KLF12: variants seen among roughly 807,000 people sequenced by gnomAD.
KLF12 encodes Krueppel-like factor 12.
Under a neutral mutation model 37.8 loss-of-function variants are expected in KLF12, and 9 were observed. The ratio of observed to expected loss-of-function variants is 0.24; its 90% CI spans 0.14 to 0.42. The LOEUF (loss-of-function observed/expected upper bound fraction) is 0.42. Among genes scored for constraint, KLF12 ranks in the 10% least tolerant of loss-of-function variants. The pLI is 1.00. For missense variants in KLF12, 411 were observed against 516.0 expected, an observed-to-expected ratio of 0.80 and a Z score of 1.97; for synonymous variants, 208 against 202.1, an observed-to-expected ratio of 1.03 and a Z score of -0.25.
At chr13:73,740,771 T>A (rs1877912237) in intron 6 of KLF12, among the ~76,000 whole-genome samples, 1 of 152,128 alleles carries the variant, frequency 6.6e-6, no homozygotes, top group East Asian at 1.9e-4. Context: ...CCTCTAGGAG[T>A]CCTGCGGGGA....
chr13:74,220,137 T>G, the KLF12 span, among the ~76,000 whole-genome samples: 1 of 152,190 alleles, frequency 6.6e-6, no homozygotes, highest in Non-Finnish European at 1.5e-5. Context: ...GTAATCTCTT[T>G]TAGTGAAACT....
At chr13:74,253,167 G>C in the KLF12 span, among the ~76,000 whole-genome samples, 1 of 152,102 alleles carries the variant, frequency 6.6e-6, no homozygotes, top group Non-Finnish European at 1.5e-5. Flanking sequence ...ATAAGATAAA[G>C]TTTTGATTAG....
the KLF12 span, among the ~76,000 whole-genome samples, chr13:74,255,522 G>A: frequency 1.3e-5 from 2 of 152,170 alleles, no homozygotes; most frequent in Non-Finnish European, 2.9e-5. Flanking sequence ...ATTGCATGAT[G>A]TAATGAGACC....
intron 4 of KLF12, among the ~76,000 whole-genome samples, chr13:73,836,458 T>C (rs1884439385): frequency 6.6e-6 from 1 of 152,312 alleles, no homozygotes; most frequent in East Asian, 1.9e-4. Context: ...CTCTTGAATC[T>C]CATATTCTTC....
intron 1 of KLF12, among the ~76,000 whole-genome samples, chr13:74,038,016 C>T (rs943856929): frequency 2.0e-5 from 3 of 152,160 alleles, no homozygotes; most frequent in African/African-American, 7.2e-5. Flanking sequence ...TATCTTGATT[C>T]TGGTGGTAGC....
intron 3 of KLF12, among the ~76,000 whole-genome samples, chr13:73,903,836 G>C (rs1395141443): frequency 6.6e-6 from 1 of 152,202 alleles, no homozygotes; most frequent in African/African-American, 2.4e-5. Context: ...ATAGGAGCGG[G>C]AGCCCTACTG....
intron 1 of KLF12, among the ~76,000 whole-genome samples, chr13:74,061,749 T>C (rs1185278497): frequency 6.6e-6 from 1 of 152,174 alleles, no homozygotes; most frequent in Non-Finnish European, 1.5e-5. Flanking sequence ...GAAGGAAGCA[T>C]CCTCCTAAAT....
upstream of KLF12, among the ~76,000 whole-genome samples, chr13:74,138,902 C>T (rs1041349857): frequency 6.6e-6 from 1 of 152,160 alleles, no homozygotes; most frequent in Non-Finnish European, 1.5e-5. Flanking sequence ...GGGCACACAC[C>T]TTGCGATGAT....
At chr13:73,972,523 C>T (rs1357023761) in intron 2 of KLF12, among the ~76,000 whole-genome samples, 1 of 150,692 alleles carries the variant, frequency 6.6e-6, no homozygotes, top group East Asian at 1.9e-4. Flanking sequence ...TGCATTTAAA[C>T]ATAAATGTCA....
chr13:74,241,367 T>C, the KLF12 span, among the ~76,000 whole-genome samples: 1 of 152,158 alleles, frequency 6.6e-6, no homozygotes, highest in Non-Finnish European at 1.5e-5. Context: ...CAGGGACATT[T>C]AAGTCTGCAG....
At chr13:74,052,492 A>G (rs1178656784) in intron 1 of KLF12, among the ~76,000 whole-genome samples, 1 of 152,132 alleles carries the variant, frequency 6.6e-6, no homozygotes, top group East Asian at 1.9e-4. Context: ...GGAAATAACA[A>G]TGAGCCAACT....
At chr13:74,079,725 A>G (rs1874768949) in intron 1 of KLF12, among the ~76,000 whole-genome samples, 1 of 152,212 alleles carries the variant, frequency 6.6e-6, no homozygotes, top group South Asian at 2.1e-4. Context: ...TATCAAAAGA[A>G]AGAAATAAGT....
intron 4 of KLF12, among the ~76,000 whole-genome samples, chr13:73,830,684 C>A (rs1253333437): frequency 6.6e-6 from 1 of 152,042 alleles, no homozygotes; most frequent in Non-Finnish European, 1.5e-5. Flanking sequence ...TTGTGTCTTC[C>A]AGAAAATTAC....
chr13:73,992,657 G>A (rs1027521193), intron 2 of KLF12, among the ~76,000 whole-genome samples: 1 of 152,088 alleles, frequency 6.6e-6, no homozygotes, highest in Non-Finnish European at 1.5e-5. Flanking sequence ...AACTGGAAAC[G>A]TACAAAACAG....
chr13:74,264,720 C>G, the KLF12 span, among the ~76,000 whole-genome samples: 1 of 152,086 alleles, frequency 6.6e-6, no homozygotes, highest in African/African-American at 2.4e-5. Context: ...TTTCAGCATA[C>G]TAATTTATGT....
intron 5 of KLF12, among the ~76,000 whole-genome samples, chr13:73,790,731 T>A (rs1279469262): frequency 6.6e-6 from 1 of 152,238 alleles, no homozygotes; most frequent in East Asian, 1.9e-4. Context: ...CTAATACTAA[T>A]GTTTCCCTCC....
At chr13:73,929,656 G>A (rs935335036) in intron 3 of KLF12, among the ~76,000 whole-genome samples, 10 of 152,148 alleles carry the variant, frequency 6.6e-5, no homozygotes, top group East Asian at 3.8e-4. Context: ...GGGGCAAAGC[G>A]CAAGCACACT....
intron 3 of KLF12, among the ~76,000 whole-genome samples, chr13:73,896,175 A>G (rs536872503): frequency 3.3e-5 from 5 of 152,330 alleles, no homozygotes; most frequent in African/African-American, 9.6e-5. Context: ...TCAGGTCCCA[A>G]GTATACTTCA....
At chr13:73,738,808 C>A (rs1300429523) in intron 6 of KLF12, among the ~76,000 whole-genome samples, 3 of 152,152 alleles carry the variant, frequency 2.0e-5, no homozygotes, top group Non-Finnish European at 4.4e-5. Context: ...GGACTGCCGG[C>A]CATCTGTTGA....
Sources: gnomAD v4.1 joint callset for allele counts (sites outside exome capture counted in the v4.1 genomes callset) on GRCh38, gnomAD v4.1.1 for gene constraint, MANE v1.5 for transcripts, NCBI Gene and HGNC (gene_info 2026-07-23, HGNC 2026-07-21) for gene names.